Variants in NT5C1B observed in about 807,000 individuals in gnomAD.
NT5C1B encodes the protein 5'-nucleotidase, cytosolic IB.
In NT5C1B, 44 loss-of-function variants were observed where a neutral mutation model predicts 57.8. That is an observed-to-expected ratio of 0.76 (90% CI 0.60 to 0.98). The LOEUF is 0.98. Among genes scored for constraint, NT5C1B ranks in the 50% least tolerant of loss-of-function variants. The pLI is 0.00. For missense variants in NT5C1B, 742 were observed against 719.5 expected (o/e 1.03, Z -0.36); for synonymous variants, 284 against 282.6 (o/e 1.00, Z -0.05).
intron 2 of NT5C1B, chr2:18,587,097 A>G (rs1666782367): frequency 3.7e-6 from 6 of 1,614,168 alleles, no homozygotes; most frequent in Non-Finnish European, 5.1e-6. Context: ...AGCTGCACAA[A>G]GGCAGCGTCT....
In NT5C1B at chr2:18,586,354, C is replaced by T. The variant is rs199873248; in HGVS notation, c.158G>A (p.Arg53Gln). The change falls in exon 3 of 9, where the codon CGA becomes CAA. Residue 53 changes from arginine to glutamine, a missense_variant. Arg to Gln is a conservative substitution (Grantham distance 43). Transcript: ENST00000304081. ...CCATTGACTGCGCACAAGGTACCCT[C>T]GAGAGTCTGTCTTCCGCAGTGATGA... The T allele has an allele frequency of 2.2e-5, 36 of 1,613,978 alleles. No individual in the cohort carries two copies. Among genetic ancestry groups the T allele is most frequent in the Admixed American group, 5.0e-5 (3 of 59,998 alleles).
chr2:18,576,894 G>A (rs1243731006), exon 7 of NT5C1B: 1 of 1,613,516 alleles, frequency 6.2e-7, no homozygotes, highest in South Asian at 1.1e-5. Flanking sequence ...CAATCAGTAA[G>A]CCTATTATCA....
In NT5C1B at chr2:18,584,400, C is replaced by T. The variant is rs888132844; in HGVS notation, c.723+114G>A. ...TGGAGACAGCTGAGGCTGGGACTCCCCGAAGTTTGGGGAGGAGAAGCGGGA... is the reference window on the plus strand; with the variant it reads ...TGGAGACAGCTGAGGCTGGGACTCCTCGAAGTTTGGGGAGGAGAAGCGGGA... On this transcript the variant is annotated intron_variant, in intron 4 of 8. Coordinates refer to ENST00000304081, the Ensembl canonical transcript of NT5C1B. This position sits in a 1 kb window ranked among gnomAD's most constrained non-coding sequence, Gnocchi z 5.8. 3 of 1,525,966 alleles carry T rather than the reference C, an allele frequency of 2.0e-6. No individual in the cohort carries two copies. The highest frequency in any genetic ancestry group is 1.4e-5 in the African/African-American group (1 of 72,790). 94.5% of individuals were successfully genotyped at this position (1,525,966 alleles called of 1,614,324 possible).
In NT5C1B at chr2:18,589,437, A is replaced by G. The variant is rs778326340; in HGVS notation, c.30+2T>C. 6.2e-7 allele frequency: 1 copy of G among 1,613,966 alleles called. No individual in the cohort carries two copies. The highest frequency in any genetic ancestry group is 8.5e-7 in the Non-Finnish European group (1 of 1,179,956). On this transcript the variant is annotated splice_donor_variant, in intron 1 of 8. Coordinates refer to ENST00000304081, the Ensembl canonical transcript of NT5C1B. LOFTEE classifies it high-confidence loss of function. ...AGATTCTAAGACACTCGGTTCACTC[A>G]CCTTTTTCTGTTTGAGAGATGTTTG...
At chr2:18,586,503 G>A in intron 2 of NT5C1B, 112 bp from the exon 3 acceptor site, 2 of 1,477,114 alleles carry the variant, frequency 1.4e-6, no homozygotes, top group South Asian at 1.3e-5. Flanking sequence ...CCAGTGAGAA[G>A]ATCCCTGGCC....
chr2:18,576,520 C>A lies in NT5C1B; in HGVS notation c.1145-152G>T, dbSNP rs922182623. The A allele has an allele frequency of 4.1e-6, 5 of 1,210,306 alleles. No individual in the cohort carries two copies. The African/African-American group carries it at 7.7e-5, about 19-fold the overall frequency. The allele number at this position is 1,210,306 out of a possible 1,614,324, so 75.0% of individuals were successfully genotyped here. A position where few individuals can be genotyped will look rare whatever the true frequency, so the allele number is the denominator to read the frequency against. On this transcript the variant is annotated intron_variant, in intron 7 of 8. Transcript: ENST00000304081. ...CTCTTCACAACCACAGACCTCAGAA[C>A]AGTTGTCTATGCACTGCCTCTGTTT...
chr2:18,584,887 A>G lies in NT5C1B; in HGVS notation c.350T>C (p.Leu117Pro). The change falls in exon 4 of 9, where the codon CTC (leucine) becomes CCC (proline). Residue 117 changes from leucine to proline, a missense_variant. Physicochemically the swap from Leu to Pro is moderately conservative, Grantham distance 98 (BLOSUM62 -3). Transcript: ENST00000304081. This position sits in a 1 kb window ranked among gnomAD's most constrained non-coding sequence, Gnocchi z 5.8. ...CAGCTGGGGCGACGCGGGTGGCTGG[A>G]GCGAGGGCTGCCCGGACAGCGGCGG... 1 of 1,583,634 alleles carries G rather than the reference A, an allele frequency of 6.3e-7. No individual in the cohort carries two copies. The highest frequency in any genetic ancestry group is 8.6e-7 in the Non-Finnish European group (1 of 1,168,650).
At chr2:18,570,298 G>A (rs185877571) in intron 8 of NT5C1B, among the ~76,000 whole-genome samples, 140 of 152,052 alleles carry the variant, frequency 9.2e-4, no homozygotes, top group African/African-American at 3.2e-3. Flanking sequence ...GAAAACTTAG[G>A]AACAGCTGGC....
At chr2:18,569,702 A>ACAT (rs557555928) in intron 8 of NT5C1B, among the ~76,000 whole-genome samples, 5 of 152,144 alleles carry the variant, frequency 3.3e-5, no homozygotes, top group Non-Finnish European at 7.4e-5. Context: ...GATTCAAAAT[A>ACAT]CATGATACAA....
At chr2:18,567,267 A>G (rs549878796) in intron 8 of NT5C1B, among the ~76,000 whole-genome samples, 5 of 152,336 alleles carry the variant, frequency 3.3e-5, no homozygotes, top group Non-Finnish European at 5.9e-5. Flanking sequence ...TCAGGAACAA[A>G]GAGCCTAGAC....
rs1399408091 is a variant in NT5C1B, at chr2:18,576,500, C to T, written c.1145-132G>A. 8 of 1,294,926 alleles carry T rather than the reference C, an allele frequency of 6.2e-6. No homozygotes were observed. The East Asian group carries it at 2.0e-4, about 32-fold the overall frequency. 80.2% of individuals were successfully genotyped at this position (1,294,926 alleles called of 1,614,324 possible). Reference sequence around the variant, plus strand: ...ATTACCTGATGGCTCAACTCCTCTTCACAACCACAGACCTCAGAACAGTTG... The same window carrying T: ...ATTACCTGATGGCTCAACTCCTCTTTACAACCACAGACCTCAGAACAGTTG... On this transcript the variant is annotated intron_variant, in intron 7 of 8. Transcript: ENST00000304081.
At chr2:18,583,075 ATCAGAG>A in intron 5 of NT5C1B, 78 bp from the exon 6 acceptor site, 1 of 1,502,196 alleles carries the variant, frequency 6.7e-7, no homozygotes, top group Non-Finnish European at 8.9e-7. Flanking sequence ...GAAGCATCTC[ATCAGAG>A]TCAAATTCAA....
At chr2:18,573,337 T>C (rs1665378255) in intron 8 of NT5C1B, among the ~76,000 whole-genome samples, 1 of 152,284 alleles carries the variant, frequency 6.6e-6, no homozygotes, top group Admixed American at 6.5e-5. Flanking sequence ...GTTGAGTATG[T>C]ATTTTTATGT....
intron 8 of NT5C1B, among the ~76,000 whole-genome samples, chr2:18,567,576 T>A (rs116290024): frequency 6.6e-6 from 1 of 152,160 alleles, no homozygotes; most frequent in South Asian, 2.1e-4. Flanking sequence ...GTAAGCCAGT[T>A]TGCACCCTAA....
At chr2:18,564,008 C>T in exon 9 of NT5C1B, 3 of 1,614,180 alleles carry the variant, frequency 1.9e-6, no homozygotes, top group African/African-American at 1.3e-5. Context: ...GAACTGGCTG[C>T]ACTCCTAGCT....
intron 2 of NT5C1B, 161 bp from the exon 3 acceptor site, chr2:18,586,552 T>G: frequency 8.9e-7 from 1 of 1,121,750 alleles, no homozygotes; most frequent in South Asian, 1.8e-5. Context: ...TTCTGTACTA[T>G]TCTAACTCTG....
At chr2:18,566,779 A>T (rs1209650513) in intron 8 of NT5C1B, among the ~76,000 whole-genome samples, 1 of 152,220 alleles carries the variant, frequency 6.6e-6, no homozygotes, top group East Asian at 1.9e-4. Flanking sequence ...AGCAAATACT[A>T]GGGAGAGACT....
chr2:18,587,043 A>G, intron 2 of NT5C1B: 2 of 1,614,234 alleles, frequency 1.2e-6, no homozygotes, highest in East Asian at 2.2e-5. Flanking sequence ...GCACATGTGA[A>G]TATAAATACG....
At chr2:18,579,441 C>A (rs1665988390) in intron 6 of NT5C1B, among the ~76,000 whole-genome samples, 1 of 152,092 alleles carries the variant, frequency 6.6e-6, no homozygotes, top group Non-Finnish European at 1.5e-5. Flanking sequence ...TAAAAACAGA[C>A]ACATAGACCA....
Sources: gnomAD v4.1 joint callset for allele counts (sites outside exome capture counted in the v4.1 genomes callset) on GRCh38, gnomAD v4.1.1 for gene constraint, Gnocchi (gnomAD v3.1) non-coding constraint, MANE v1.5 for transcripts, NCBI Gene and HGNC (gene_info 2026-07-23, HGNC 2026-07-21) for gene names.